MDGA2: variants seen among roughly 807,000 people sequenced by gnomAD.
The protein encoded by MDGA2 is MAM domain-containing glycosylphosphatidylinositol anchor protein 2.
Under a neutral mutation model 117.8 loss-of-function variants are expected in MDGA2, and 40 were observed. The observed-to-expected ratio is 0.34, with a 90% CI of 0.26 to 0.44. The LOEUF is 0.44. Ranked by LOEUF, MDGA2 falls within the 20% of genes least tolerant of loss-of-function variation. MDGA2 has a pLI of 1.00. For synonymous variants in MDGA2, 452 were observed against 439.0 expected (o/e 1.03, Z -0.37); for missense variants, 1,123 against 1,250.6 (o/e 0.90, Z 1.54).
chr14:47,661,433 T>C (rs1412109260), intron 1 of MDGA2, among the ~76,000 whole-genome samples: 4 of 152,180 alleles, frequency 2.6e-5, no homozygotes, highest in Admixed American at 2.6e-4. Context: ...TTAATTATTT[T>C]TCAATTATAG....
Position 47,301,451 on chromosome 14 carries a change from A to G in MDGA2, c.380T>C (p.Leu127Pro). 1 of 1,551,848 alleles carries G rather than the reference A, an allele frequency of 6.4e-7. No individual in the cohort carries two copies. The highest frequency in any genetic ancestry group is 8.7e-7 in the Non-Finnish European group (1 of 1,147,030). ...TCCTGTGACTAGACAAGTCAACTCA[A>G]GGGTTTCTCCTTCCCGGATAGTGTA... ...RVYTIREGETLELTCLVTGHP... is the reference protein window; with the variant it reads ...RVYTIREGETPELTCLVTGHP... The change falls in exon 2 of 17, where the codon CTT becomes CCT. Residue 127 changes from leucine to proline, a missense_variant. This residue lies in a region of MDGA2 where 233 missense variants were observed against 200.3 expected (regional missense o/e 1.16). Transcript: ENST00000399232.
chr14:47,155,462 G>T (rs1010893480), intron 3 of MDGA2, among the ~76,000 whole-genome samples: 37 of 152,104 alleles, frequency 2.4e-4, no homozygotes, highest in Non-Finnish European at 2.6e-4. Flanking sequence ...GAGCTCTGCA[G>T]TTCCTCGCGT....
intron 1 of MDGA2, among the ~76,000 whole-genome samples, chr14:47,349,545 A>C (rs1349367034): frequency 6.6e-6 from 1 of 152,172 alleles, no homozygotes; most frequent in Non-Finnish European, 1.5e-5. Flanking sequence ...CAACTATACT[A>C]TCTCCTTAAA....
chr14:46,915,859 G>A (rs1053921209), intron 10 of MDGA2, among the ~76,000 whole-genome samples: 3 of 152,100 alleles, frequency 2.0e-5, no homozygotes, highest in Non-Finnish European at 4.4e-5. Context: ...TAAACACAGC[G>A]GCCAGGCTTC....
chr14:46,889,340 C>A (rs1376572308), intron 10 of MDGA2, among the ~76,000 whole-genome samples: 2 of 151,974 alleles, frequency 1.3e-5, no homozygotes, highest in Non-Finnish European at 2.9e-5. Flanking sequence ...GCTATTAACA[C>A]CTTTAGAAGT....
intron 8 of MDGA2, among the ~76,000 whole-genome samples, chr14:47,023,419 C>A (rs1202852783): frequency 6.6e-6 from 1 of 152,074 alleles, no homozygotes; most frequent in African/African-American, 2.4e-5. Flanking sequence ...GTACTACTAA[C>A]ATTGTCAAAC....
intron 1 of MDGA2, among the ~76,000 whole-genome samples, chr14:47,430,354 T>C (rs1298694905): frequency 3.9e-5 from 6 of 152,046 alleles, no homozygotes. Context: ...ATTGAGTAGA[T>C]AGTGGTGCCA....
At chr14:46,914,649 T>C (rs1165415475) in intron 10 of MDGA2, among the ~76,000 whole-genome samples, 1 of 152,104 alleles carries the variant, frequency 6.6e-6, no homozygotes, top group African/African-American at 2.4e-5. Flanking sequence ...AATTTAAGAA[T>C]GATTAATAAG....
chr14:47,287,552 C>G (rs75522191), intron 2 of MDGA2, among the ~76,000 whole-genome samples: 1 of 151,998 alleles, frequency 6.6e-6, no homozygotes, highest in Non-Finnish European at 1.5e-5. Flanking sequence ...TAAGATCTAC[C>G]TCCTTAGCAA....
intron 8 of MDGA2, among the ~76,000 whole-genome samples, chr14:47,032,806 C>T (rs1888709378): frequency 6.6e-6 from 1 of 152,052 alleles, no homozygotes; most frequent in Non-Finnish European, 1.5e-5. Context: ...TGACATATAA[C>T]CAAGTTCTTC....
At chr14:47,629,019 C>G (rs1434924691) in intron 1 of MDGA2, among the ~76,000 whole-genome samples, 1 of 152,240 alleles carries the variant, frequency 6.6e-6, no homozygotes, top group African/African-American at 2.4e-5. Flanking sequence ...CCTGTACCCA[C>G]TCCTGCTTTT....
At chr14:47,619,896 C>CT (rs1397340169) in intron 1 of MDGA2, among the ~76,000 whole-genome samples, 2 of 150,880 alleles carry the variant, frequency 1.3e-5, no homozygotes, top group Non-Finnish European at 3.0e-5. Flanking sequence ...GCAGTGGAGC[C>CT]TGACTGACTC....
chr14:47,401,220 C>G (rs867233099), intron 1 of MDGA2, among the ~76,000 whole-genome samples: 4 of 152,178 alleles, frequency 2.6e-5, no homozygotes, highest in Non-Finnish European at 4.4e-5. Flanking sequence ...ATCATTAATT[C>G]TTACCTCCAT....
intron 4 of MDGA2, among the ~76,000 whole-genome samples, chr14:47,142,678 T>C (rs899338805): frequency 2.0e-5 from 3 of 152,150 alleles, no homozygotes; most frequent in African/African-American, 7.2e-5. Flanking sequence ...AAAAAATCAT[T>C]TTAGTAACAA....
At position 46,847,740 on chromosome 14, in the gene MDGA2, G is replaced by A. The variant is rs576572702; in HGVS notation, c.2884-1869C>T. On this transcript the variant is annotated intron_variant, in intron 15 of 16. Transcript: ENST00000399232. ...ATTTAACCAGTACCCTATAGTCATC[G>A]TTAGACATTAAAACTATTGTCTCCT... is the stretch of plus-strand genomic sequence containing the variant. 6.6e-5 allele frequency among the ~76,000 whole-genome samples: 10 copies of A among 152,096 alleles called. 1 individual carries two copies. Among genetic ancestry groups the A allele is most frequent in the African/African-American group, 1.9e-4 (8 of 41,526 alleles).
chr14:47,400,135 T>C (rs146297498), intron 1 of MDGA2, among the ~76,000 whole-genome samples: 318 of 152,332 alleles, frequency 2.1e-3, no homozygotes, highest in African/African-American at 7.3e-3. Flanking sequence ...ATATTTATTA[T>C]GAGAAATTAT....
In MDGA2 at chr14:46,873,485, T is replaced by A. The variant is rs763463280; in HGVS notation, c.2700A>T (p.Thr900=). 6 of 1,612,438 alleles carry A rather than the reference T, an allele frequency of 3.7e-6. No individual in the cohort carries two copies. In the African/African-American group the frequency reaches 8.0e-5, roughly 22 times the overall value. The change falls in exon 14 of 17, where the codon ACA becomes ACT. Residue 900 remains threonine (T), a synonymous_variant. Transcript: ENST00000399232. ...AGAAGCTGAAACAATATGCAGTGTT[T>A]GTGGGTCCATAAGGGTTTTTGGGAG... The part of the protein sequence containing the change: ...SIAPKNPYGP[T]NTAYCFSFFY...
intron 7 of MDGA2, among the ~76,000 whole-genome samples, chr14:47,040,126 C>T (rs2138672100): frequency 6.6e-6 from 1 of 152,150 alleles, no homozygotes; most frequent in Non-Finnish European, 1.5e-5. Context: ...ACATTGTTAC[C>T]ATCTAGCATA....
intron 8 of MDGA2, among the ~76,000 whole-genome samples, chr14:47,013,844 T>C (rs1210606451): frequency 6.9e-6 from 1 of 145,268 alleles, no homozygotes; most frequent in African/African-American, 2.5e-5. Flanking sequence ...GGCTGGAGTA[T>C]GGAGTACAAT....
Sources: allele counts gnomAD v4.1 joint callset (sites outside exome capture counted in the v4.1 genomes callset), GRCh38; gene constraint gnomAD v4.1.1; regional missense constraint gnomAD v4.1.1; transcripts MANE v1.5; gene names NCBI Gene and HGNC (gene_info 2026-07-23, HGNC 2026-07-21).